Variants in CACNG4 observed in about 807,000 individuals in gnomAD.
CACNG4 encodes the protein calcium voltage-gated channel auxiliary subunit gamma 4, also known as voltage-dependent calcium channel gamma-4 subunit.
In CACNG4, 8 loss-of-function variants were observed where a neutral mutation model predicts 22.9. That is an observed-to-expected ratio of 0.35 (90% CI 0.21 to 0.63). The LOEUF (loss-of-function observed/expected upper bound fraction) is 0.63, where lower values mean the gene tolerates loss of function less well. Among genes scored for constraint, CACNG4 ranks in the 30% least tolerant of loss-of-function variants. CACNG4 has a pLI of 0.72. For missense variants in CACNG4, 357 were observed against 455.4 expected (o/e 0.78, Z 1.97); for synonymous variants, 188 against 191.9 (o/e 0.98, Z 0.17).
chr17:67,029,286 C>T (rs1166708046), intron 3 of CACNG4, among the ~76,000 whole-genome samples: 1 of 151,642 alleles, frequency 6.6e-6, no homozygotes, highest in Non-Finnish European at 1.5e-5. Flanking sequence ...GAGCGGAGAT[C>T]GTGCCACTGC....
chr17:66,998,241 G>A (rs1020899175), intron 1 of CACNG4, among the ~76,000 whole-genome samples: 1 of 152,134 alleles, frequency 6.6e-6, no homozygotes, highest in Non-Finnish European at 1.5e-5. Context: ...TATTTTTAAA[G>A]AGATGGAGTC....
At chr17:66,972,981 C>T (rs1387311233) in intron 1 of CACNG4, among the ~76,000 whole-genome samples, 1 of 148,546 alleles carries the variant, frequency 6.7e-6, no homozygotes, top group Non-Finnish European at 1.5e-5. Context: ...TGCAGTGGCT[C>T]GCGCCTATAA....
At position 67,002,431 on chromosome 17, in the gene CACNG4, T is replaced by C. The variant is rs144756521; in HGVS notation, c.221-15758T>C. Among the ~76,000 whole-genome samples the C allele has an allele frequency of 3.4e-3, 522 of 152,130 alleles. 3 individuals are homozygous for C. Among genetic ancestry groups the C allele is most frequent in the Non-Finnish European group, 3.7e-3 (252 of 67,970 alleles). On this transcript the variant is annotated intron_variant, in intron 1 of 3. Coordinates refer to ENST00000262138, the MANE Select transcript of CACNG4 (RefSeq NM_014405.4). ...ATCAGGGAGGTGGTGAGAGGGATCTTAAAAACTGGGTTGGAACTTGGTATC... is the reference window on the plus strand; with the variant it reads ...ATCAGGGAGGTGGTGAGAGGGATCTCAAAAACTGGGTTGGAACTTGGTATC...
At position 67,033,058 on chromosome 17, in the gene CACNG4, C is replaced by A. The variant is rs1425346237; in HGVS notation, c.*2054C>A. 2.6e-5 allele frequency: 4 copies of A among 152,780 alleles called. No homozygotes were observed. Among genetic ancestry groups the A allele is most frequent in the African/African-American group, 4.8e-5 (2 of 41,438 alleles). The allele number at this position is 152,780 out of a possible 1,614,324, so 9.5% of individuals were successfully genotyped here. A position where few individuals can be genotyped will look rare whatever the true frequency, so the allele number is the denominator to read the frequency against. ...CAGTCCCAGGCAGAGTAAGCAGGGC[C>A]CACCTAGGGACCAAGAAAGAGTAGG... On this transcript the variant is annotated 3_prime_UTR_variant, in exon 4 of 4. Coordinates refer to ENST00000262138, the MANE Select transcript of CACNG4 (RefSeq NM_014405.4).
At chr17:67,018,045 C>G in intron 1 of CACNG4, 144 bp from the exon 2 acceptor site, 1 of 648,576 alleles carries the variant, frequency 1.5e-6, no homozygotes, top group Non-Finnish European at 2.8e-6. Flanking sequence ...CCCCACCAGA[C>G]TGGAACGCTG....
intron 1 of CACNG4, among the ~76,000 whole-genome samples, chr17:67,004,162 A>C (rs1353186483): frequency 2.0e-5 from 3 of 152,226 alleles, no homozygotes; most frequent in South Asian, 2.1e-4. Context: ...CAACAACAAC[A>C]ACCCTTAGTA....
In CACNG4 at chr17:66,990,082, T is replaced by C. The variant is rs535116082; in HGVS notation, c.220+24951T>C. Among the ~76,000 whole-genome samples the C allele has an allele frequency of 7.9e-5, 12 of 152,358 alleles. No individual in the cohort carries two copies. In the South Asian group the frequency reaches 1.9e-3, roughly 24 times the overall value. On this transcript the variant is annotated intron_variant, in intron 1 of 3. Transcript: ENST00000262138. The stretch of plus-strand genomic sequence containing the variant: ...CTGTGGACTGGGAGTCTGGACACAC[T>C]TAGCCGCATCCGCTGCTTAAGTCTT...
intron 1 of CACNG4, among the ~76,000 whole-genome samples, chr17:67,003,366 A>G (rs925976005): frequency 2.0e-5 from 3 of 151,898 alleles, no homozygotes; most frequent in South Asian, 2.1e-4. Flanking sequence ...TACTGTCTCT[A>G]TGCTATCCAG....
intron 1 of CACNG4, among the ~76,000 whole-genome samples, chr17:66,976,572 C>T (rs2035237790): frequency 6.7e-6 from 1 of 149,784 alleles, no homozygotes; most frequent in Non-Finnish European, 1.5e-5. Flanking sequence ...CCCTCCCTCC[C>T]TGCATCTTCC....
At chr17:67,018,401 C>A in intron 2 of CACNG4, 129 bp downstream of exon 2, 1 of 677,128 alleles carries the variant, frequency 1.5e-6, no homozygotes, top group Non-Finnish European at 2.6e-6. Context: ...CACTGTCTTA[C>A]TTATTCAGAC....
At chr17:67,028,560 A>AG (rs2035582587) in intron 3 of CACNG4, among the ~76,000 whole-genome samples, 1 of 151,238 alleles carries the variant, frequency 6.6e-6, no homozygotes, top group African/African-American at 2.4e-5. Context: ...CTCAAAAAAG[A>AG]AAAACAAAAA....
At chr17:66,978,624 G>T (rs2035252492) in intron 1 of CACNG4, among the ~76,000 whole-genome samples, 1 of 152,206 alleles carries the variant, frequency 6.6e-6, no homozygotes, top group Non-Finnish European at 1.5e-5. Context: ...TGCGATGGGG[G>T]AGGGATGCCC....
chr17:66,978,380 A>G (rs914105004), intron 1 of CACNG4, among the ~76,000 whole-genome samples: 5 of 152,228 alleles, frequency 3.3e-5, no homozygotes, highest in African/African-American at 9.6e-5. Flanking sequence ...TACGTGGTAC[A>G]TGGGGACAGG....
intron 1 of CACNG4, among the ~76,000 whole-genome samples, chr17:66,974,775 G>A (rs1217983376): frequency 1.3e-5 from 2 of 152,116 alleles, no homozygotes; most frequent in African/African-American, 2.4e-5. Context: ...AGCCACTTCC[G>A]CCCCCACAGG....
At position 67,030,676 on chromosome 17, in the gene CACNG4, G is replaced by A. The variant is rs1002246421; in HGVS notation, c.656G>A (p.Arg219Gln). 8.1e-6 allele frequency: 13 copies of A among 1,614,082 alleles called. No homozygotes were observed. Among genetic ancestry groups the A allele is most frequent in the Middle Eastern group, 1.6e-4 (1 of 6,084 alleles). ...KNKELRFKTK[R>Q]EFLKASSSSP... The stretch of plus-strand genomic sequence containing the variant: ...AAAGAGTTGAGGTTTAAGACCAAAC[G>A]GGAATTCCTTAAGGCGTCTTCCTCT... The change falls in exon 4 of 4, where the codon CGG becomes CAG. Residue 219 changes from arginine (R) to glutamine (Q), a missense_variant. Transcript: ENST00000262138. This position sits in a 1 kb window ranked among gnomAD's most constrained non-coding sequence, Gnocchi z 6.4.
chr17:67,001,065 G>T (rs1434480680), intron 1 of CACNG4, among the ~76,000 whole-genome samples: 1 of 151,954 alleles, frequency 6.6e-6, no homozygotes, highest in African/African-American at 2.4e-5. Context: ...ATGGGGGTGG[G>T]TTATTCCTGT....
rs1355387988 is a variant in CACNG4, at chr17:66,996,400, G to A, written c.221-21789G>A. ...GATTCTTTTTTTTTTTTTTTTTTTAGACAGGGTCTCGCTCTGTCACCCAGG... is the reference window on the plus strand; with the variant it reads ...GATTCTTTTTTTTTTTTTTTTTTTAAACAGGGTCTCGCTCTGTCACCCAGG... On this transcript the variant is annotated intron_variant, in intron 1 of 3. Coordinates refer to ENST00000262138, the MANE Select transcript of CACNG4 (RefSeq NM_014405.4). Among the ~76,000 whole-genome samples the A allele has an allele frequency of 3.1e-5, 4 of 131,042 alleles. No individual in the cohort carries two copies. The East Asian group carries it at 8.5e-4, about 28-fold the overall frequency. The allele number at this position is 131,042 out of a possible 152,430, so 86.0% of individuals were successfully genotyped here.
At chr17:66,999,957 C>T (rs1299023293) in intron 1 of CACNG4, among the ~76,000 whole-genome samples, 1 of 152,202 alleles carries the variant, frequency 6.6e-6, no homozygotes, top group Non-Finnish European at 1.5e-5. Context: ...TGGCTTTCAG[C>T]TCGTCCCTGG....
chr17:67,005,785 G>C (rs1229898779), intron 1 of CACNG4, among the ~76,000 whole-genome samples: 4 of 152,208 alleles, frequency 2.6e-5, no homozygotes, highest in African/African-American at 9.6e-5. Context: ...TCCCTGGACT[G>C]CTAGACACAG....
Sources: gnomAD v4.1 joint callset for allele counts (sites outside exome capture counted in the v4.1 genomes callset) on GRCh38, gnomAD v4.1.1 for gene constraint, Gnocchi (gnomAD v3.1) non-coding constraint, MANE v1.5 for transcripts, NCBI Gene and HGNC (gene_info 2026-07-23, HGNC 2026-07-21) for gene names.